The following RALGAPB variants were observed in gnomAD, a reference collection of about 807,000 sequenced individuals.
RALGAPB encodes the protein Ral GTPase activating protein non-catalytic subunit beta.
Under a neutral mutation model 161.1 loss-of-function variants are expected in RALGAPB, and 25 were observed. The ratio of observed to expected loss-of-function variants is 0.16; its 90% CI spans 0.11 to 0.22. RALGAPB has a LOEUF of 0.22. Ranked by LOEUF, RALGAPB falls within the 10% of genes least tolerant of loss-of-function variation. The pLI, the probability that RALGAPB is intolerant of heterozygous loss-of-function variation, is 1.00. For synonymous variants in RALGAPB, 629 were observed against 626.1 expected (o/e 1.00, Z -0.07); for missense variants, 1,391 against 1,815.2 (o/e 0.77, Z 4.25).
At chr20:38,510,303 C>T (rs1488704034) in intron 6 of RALGAPB, among the ~76,000 whole-genome samples, 1 of 152,106 alleles carries the variant, frequency 6.6e-6, no homozygotes, top group African/African-American at 2.4e-5. Context: ...CCACCGCACC[C>T]AGCCTGGAAT....
intron 17 of RALGAPB, among the ~76,000 whole-genome samples, chr20:38,540,615 A>G (rs1270383236): frequency 6.6e-6 from 1 of 152,212 alleles, no homozygotes; most frequent in Non-Finnish European, 1.5e-5. Context: ...AAAAATGTCA[A>G]TGACAAGATT....
At chr20:38,540,071 A>G in intron 17 of RALGAPB, 113 bp downstream of exon 17, 1 of 892,270 alleles carries the variant, frequency 1.1e-6, no homozygotes, top group Non-Finnish European at 1.6e-6. Flanking sequence ...TTTAAACTGA[A>G]AATACTTGTT....
rs199989216 is a variant in RALGAPB at position 38,574,157 on chromosome 20, A to G, written c.4150A>G (p.Thr1384Ala). ...ANSSTSLRST[T>A]LEKEVPVIFI... ...CAATTTTCTTTTCTTAAGATCTACA[A>G]CTCTTGAAAAAGAAGTTCCTGTCAT... Residue 1384 changes from threonine (T) to alanine (A), a missense_variant, in exon 29 of 30, where the codon ACT becomes GCT. Coordinates refer to ENST00000262879, the MANE Select transcript of RALGAPB (RefSeq NM_020336.4). The G allele has an allele frequency of 1.2e-6, 2 of 1,605,888 alleles. No individual in the cohort carries two copies. The highest frequency in any genetic ancestry group is 2.7e-5 in the African/African-American group (2 of 74,028).
At chr20:38,561,575 G>A (rs2087787628) in intron 23 of RALGAPB, among the ~76,000 whole-genome samples, 1 of 152,162 alleles carries the variant, frequency 6.6e-6, no homozygotes, top group Non-Finnish European at 1.5e-5. Context: ...AATGTAGAAG[G>A]TCTAGAGCAG....
intron 24 of RALGAPB, among the ~76,000 whole-genome samples, chr20:38,563,127 G>A (rs2087848378): frequency 6.6e-6 from 1 of 152,050 alleles, no homozygotes; most frequent in African/African-American, 2.4e-5. Context: ...TCCTGACAGG[G>A]TAACTTAGTA....
chr20:38,517,779 A>C lies in RALGAPB; in HGVS notation c.1201-5A>C. On this transcript the variant is annotated splice_polypyrimidine_tract_variant and splice_region_variant and intron_variant, in intron 8 of 29. Transcript: ENST00000262879. ...TATGGGTGTATTCTTGTGTTCGTCT[A>C]ATAGGTTAGTACTGCTCATGCCTCT... 6.2e-7 allele frequency: 1 copy of C among 1,609,924 alleles called. No homozygotes were observed. The highest frequency in any genetic ancestry group is 8.5e-7 in the Non-Finnish European group (1 of 1,176,222).
chr20:38,519,295 T>C (rs978537155), intron 9 of RALGAPB, among the ~76,000 whole-genome samples: 2 of 152,194 alleles, frequency 1.3e-5, no homozygotes, highest in Admixed American at 6.5e-5. Flanking sequence ...ATTGGGTTAT[T>C]CTTGTCTTTA....
chr20:38,487,349 G>C (rs2085146635), intron 1 of RALGAPB, among the ~76,000 whole-genome samples: 1 of 151,880 alleles, frequency 6.6e-6, no homozygotes. Flanking sequence ...TTTTTATTTG[G>C]ATAAAATAAT....
chr20:38,546,059 A>G (rs2087151858), intron 18 of RALGAPB, among the ~76,000 whole-genome samples, 184 bp from the exon 19 acceptor site: 1 of 152,020 alleles, frequency 6.6e-6, no homozygotes, highest in Non-Finnish European at 1.5e-5. Context: ...GGGCTTTTTA[A>G]TCTTGGAGGG....
intron 13 of RALGAPB, among the ~76,000 whole-genome samples, chr20:38,528,455 C>T (rs2086541013): frequency 6.6e-6 from 1 of 151,910 alleles, no homozygotes; most frequent in Non-Finnish European, 1.5e-5. Flanking sequence ...CACTGCAGCC[C>T]AAGCTCCTGG....
At chr20:38,486,434 T>C (rs374506492) in intron 1 of RALGAPB, among the ~76,000 whole-genome samples, 2 of 152,202 alleles carry the variant, frequency 1.3e-5, no homozygotes, top group African/African-American at 4.8e-5. Context: ...GATTGGTCTT[T>C]CATAAGGTAT....
At chr20:38,480,735 G>GCC (rs1161184657) in intron 1 of RALGAPB, among the ~76,000 whole-genome samples, 3 of 33,422 alleles carry the variant, frequency 9.0e-5, no homozygotes, top group Non-Finnish European at 1.1e-4. Flanking sequence ...CCCCACCCCC[G>GCC]CCCCCCCCTT....
intron 25 of RALGAPB, 75 bp downstream of exon 25, chr20:38,565,553 G>A: frequency 6.5e-7 from 1 of 1,527,014 alleles, no homozygotes; most frequent in Non-Finnish European, 8.9e-7. Context: ...TACTGCATTG[G>A]AAGAGATTTT....
chr20:38,516,606 G>A (rs2123082791), intron 7 of RALGAPB: 5 of 415,654 alleles, frequency 1.2e-5, no homozygotes, highest in Non-Finnish European at 2.1e-5. Context: ...AAGTAATGCG[G>A]CCAAAACTGC....
intron 1 of RALGAPB, among the ~76,000 whole-genome samples, chr20:38,473,958 G>T (rs1659608066): frequency 6.6e-6 from 1 of 152,220 alleles, no homozygotes; most frequent in Non-Finnish European, 1.5e-5. Context: ...GTGTGCAGGA[G>T]AATTGTCTGG....
At chr20:38,479,983 C>CT (rs74271783) in intron 1 of RALGAPB, among the ~76,000 whole-genome samples, 196 of 145,212 alleles carry the variant, frequency 1.3e-3, no homozygotes, top group African/African-American at 2.7e-3. Flanking sequence ...AAACTTTCTT[C>CT]TTTTTTTTTT....
chr20:38,577,140 T>A lies in RALGAPB; in HGVS notation c.*2173T>A, dbSNP rs564499391. The A allele has an allele frequency of 6.6e-5, 10 of 152,284 alleles. No homozygotes were observed. Among genetic ancestry groups the A allele is most frequent in the African/African-American group, 2.4e-4 (10 of 41,558 alleles). The allele number at this position is 152,284 out of a possible 1,614,324, so 9.4% of individuals were successfully genotyped here. A position where few individuals can be genotyped will look rare whatever the true frequency, so the allele number is the denominator to read the frequency against. On this transcript the variant is annotated 3_prime_UTR_variant, in exon 30 of 30. Transcript: ENST00000262879. Reference sequence around the variant, plus strand: ...AAACTCCCAGTGTGTACGGAGCCAGTGGAATATGGGATACCCATACCTTAC... The same window carrying A: ...AAACTCCCAGTGTGTACGGAGCCAGAGGAATATGGGATACCCATACCTTAC...
At chr20:38,529,142 A>G (rs1217538375) in intron 13 of RALGAPB, among the ~76,000 whole-genome samples, 1 of 152,200 alleles carries the variant, frequency 6.6e-6, no homozygotes, top group Non-Finnish European at 1.5e-5. Flanking sequence ...CTGATAGCCT[A>G]CTGTTGACCA....
chr20:38,525,296 A>T (rs1273577869), intron 11 of RALGAPB, 108 bp from the exon 12 acceptor site: 24 of 761,922 alleles, frequency 3.1e-5, no homozygotes, highest in Non-Finnish European at 5.2e-5. Context: ...TATACAATAT[A>T]CAAATACACA....
Sources: allele counts gnomAD v4.1 joint callset (sites outside exome capture counted in the v4.1 genomes callset), GRCh38; gene constraint gnomAD v4.1.1; transcripts MANE v1.5; gene names NCBI Gene and HGNC (gene_info 2026-07-23, HGNC 2026-07-21).